Variants in TOM1L2 observed in about 807,000 individuals in gnomAD.
The protein encoded by TOM1L2 is TOM1-like protein 2.
In TOM1L2, 31 loss-of-function variants were observed where a neutral mutation model predicts 67.9. The observed-to-expected ratio is 0.46, with a 90% confidence interval of 0.34 to 0.62. The LOEUF is 0.62. Ranked by LOEUF, TOM1L2 falls within the 20% of genes least tolerant of loss-of-function variation. The probability of loss-of-function intolerance (pLI) is 0.01; values close to 1 mark genes in which losing one functional copy is unlikely to be tolerated. For missense variants in TOM1L2, 606 were observed against 663.5 expected, an observed-to-expected ratio of 0.91 and a Z score of 0.95; for synonymous variants, 256 against 254.0, an observed-to-expected ratio of 1.01 and a Z score of -0.07.
intron 4 of TOM1L2, among the ~76,000 whole-genome samples, chr17:17,891,942 T>C (rs2038307400): frequency 6.6e-6 from 1 of 152,040 alleles, no homozygotes; most frequent in Admixed American, 6.6e-5. Flanking sequence ...CACTCATTCA[T>C]TATAAAGAAA....
At chr17:17,927,884 A>G (rs2040160273) in intron 1 of TOM1L2, among the ~76,000 whole-genome samples, 1 of 152,088 alleles carries the variant, frequency 6.6e-6, no homozygotes, top group Non-Finnish European at 1.5e-5. Context: ...AGGCCTCCCA[A>G]AGTGTTGGGA....
Position 17,936,464 on chromosome 17 carries a change from T to C in TOM1L2, c.53-28933A>G, listed in dbSNP as rs2040518348. 2.0e-5 allele frequency among the ~76,000 whole-genome samples: 3 copies of C among 152,166 alleles called. No homozygotes were observed. The South Asian group carries it at 6.2e-4, about 32-fold the overall frequency. Reference sequence around the variant, plus strand: ...GAAACTTAAAAACAAGCATACCCTTTGACATGGTAATTCTATTTAAAGGAA... The same window carrying C: ...GAAACTTAAAAACAAGCATACCCTTCGACATGGTAATTCTATTTAAAGGAA... On this transcript the variant is annotated intron_variant, in intron 1 of 14. Transcript: ENST00000379504.
intron 1 of TOM1L2, among the ~76,000 whole-genome samples, chr17:17,956,618 A>G (rs551037014): frequency 1.1e-4 from 17 of 152,316 alleles, no homozygotes; most frequent in African/African-American, 4.1e-4. Context: ...GGTGAGCTGC[A>G]GGTCCAGAGT....
intron 1 of TOM1L2, among the ~76,000 whole-genome samples, chr17:17,945,600 C>T (rs1442166622): frequency 1.3e-5 from 2 of 152,156 alleles, no homozygotes; most frequent in Non-Finnish European, 2.9e-5. Flanking sequence ...ACATACCCAT[C>T]TTCTCTCTAT....
chr17:17,892,690 A>AATT (rs1421366267), intron 4 of TOM1L2, among the ~76,000 whole-genome samples: 1 of 151,956 alleles, frequency 6.6e-6, no homozygotes, highest in Non-Finnish European at 1.5e-5. Context: ...CATGTCCACA[A>AATT]ATTATTTGAT....
chr17:17,882,385 T>C (rs2037769448), intron 6 of TOM1L2, among the ~76,000 whole-genome samples: 1 of 152,236 alleles, frequency 6.6e-6, no homozygotes, highest in Non-Finnish European at 1.5e-5. Flanking sequence ...TTAAATGTCA[T>C]TGCTGAGCAT....
In TOM1L2 at chr17:17,850,922, C is replaced by T. The variant is rs775314255; in HGVS notation, c.1309G>A (p.Asp437Asn). 32 of 1,613,924 alleles carry T rather than the reference C, an allele frequency of 2.0e-5. No homozygotes were observed. Among genetic ancestry groups the T allele is most frequent in the Admixed American group, 1.0e-4 (6 of 60,010 alleles). Residue 437 changes from aspartate to asparagine, a missense_variant, in exon 13 of 15, where the codon GAC (aspartate) becomes AAC (asparagine). Physicochemically the swap from Asp to Asn is conservative, Grantham distance 23 (BLOSUM62 1). This residue lies in a region of TOM1L2 where 543 missense variants were observed against 554.0 expected (regional missense o/e 0.98). Coordinates refer to ENST00000379504, the MANE Select transcript of TOM1L2 (RefSeq NM_001082968.2). ...IPVAQPSVMD[D>N]IEVWLRTDLK... ...TCGGTCCTGAGCCACACCTCAATGT[C>T]GTCCATGACAGATGGCTGCGCAACG... is the stretch of plus-strand genomic sequence containing the variant.
intron 1 of TOM1L2, among the ~76,000 whole-genome samples, chr17:17,911,575 G>C (rs944804296): frequency 6.6e-6 from 1 of 152,100 alleles, no homozygotes; most frequent in Non-Finnish European, 1.5e-5. Flanking sequence ...CTGAGTGAGG[G>C]AGCCCACATT....
intron 12 of TOM1L2, chr17:17,859,388 T>C (rs866755897): frequency 5.9e-5 from 9 of 152,256 alleles, no homozygotes; most frequent in African/African-American, 1.9e-4. Context: ...CCCTTTTTTA[T>C]TGTGTTCTTA....
At chr17:17,907,358 A>T (rs1245049204) in intron 2 of TOM1L2, 89 bp downstream of exon 2, 2 of 1,223,604 alleles carry the variant, frequency 1.6e-6, no homozygotes, top group Non-Finnish European at 2.3e-6. Flanking sequence ...CAAAACAAAA[A>T]ATAAAACCTG....
chr17:17,931,146 T>C lies in TOM1L2; in HGVS notation c.53-23615A>G, dbSNP rs576499620. On this transcript the variant is annotated intron_variant, in intron 1 of 14. Coordinates refer to ENST00000379504, the MANE Select transcript of TOM1L2 (RefSeq NM_001082968.2). Reference sequence around the variant, plus strand: ...TCCCATCCCCACAAAGAACTACACATTCAACCAAACCAGACTCCTCTTTCC... The same window carrying C: ...TCCCATCCCCACAAAGAACTACACACTCAACCAAACCAGACTCCTCTTTCC... Among the ~76,000 whole-genome samples the C allele has an allele frequency of 7.2e-5, 11 of 152,280 alleles. No individual in the cohort carries two copies. In the South Asian group the frequency reaches 2.3e-3, roughly 32 times the overall value.
intron 1 of TOM1L2, among the ~76,000 whole-genome samples, chr17:17,956,244 G>A (rs1029027480): frequency 5.9e-5 from 9 of 152,132 alleles, no homozygotes; most frequent in Non-Finnish European, 1.2e-4. Flanking sequence ...TGATTGGTGC[G>A]TTTACAATCC....
intron 1 of TOM1L2, among the ~76,000 whole-genome samples, chr17:17,931,509 G>A (rs925944658): frequency 1.3e-4 from 20 of 152,184 alleles, no homozygotes; most frequent in African/African-American, 4.8e-4. Flanking sequence ...GTCCTCAGGA[G>A]AACTGGGGGA....
At chr17:17,925,136 T>C (rs73301842) in intron 1 of TOM1L2, among the ~76,000 whole-genome samples, 5,974 of 152,282 alleles carry the variant, frequency 0.039, 410 homozygotes, top group African/African-American at 0.13. Context: ...CAGCTGCCAG[T>C]ACTATGCTTC....
intron 2 of TOM1L2, among the ~76,000 whole-genome samples, chr17:17,901,174 T>C (rs1383093917): frequency 2.0e-5 from 3 of 152,054 alleles, no homozygotes; most frequent in Non-Finnish European, 4.4e-5. Flanking sequence ...AGTATTTATC[T>C]CTCTCCCCGG....
chr17:17,900,830 T>C (rs1395399783), intron 2 of TOM1L2, among the ~76,000 whole-genome samples: 3 of 152,254 alleles, frequency 2.0e-5, no homozygotes, highest in Non-Finnish European at 4.4e-5. Context: ...TGAGAGCTGA[T>C]GAAATTCAGT....
intron 1 of TOM1L2, among the ~76,000 whole-genome samples, chr17:17,962,719 G>A (rs2145034999): frequency 6.6e-6 from 1 of 152,214 alleles, no homozygotes; most frequent in South Asian, 2.1e-4. Flanking sequence ...CAGCACTTTG[G>A]GAGGCTGAGG....
At chr17:17,901,232 A>G (rs1263995141) in intron 2 of TOM1L2, among the ~76,000 whole-genome samples, 2 of 152,256 alleles carry the variant, frequency 1.3e-5, no homozygotes, top group African/African-American at 2.4e-5. Flanking sequence ...AAGGAAACAC[A>G]AAGTTTCAAG....
At chr17:17,951,293 T>G (rs1200335998) in intron 1 of TOM1L2, among the ~76,000 whole-genome samples, 4 of 152,170 alleles carry the variant, frequency 2.6e-5, no homozygotes, top group Non-Finnish European at 5.9e-5. Context: ...CTGAGAACGT[T>G]CATAAGATTT....
Sources: allele counts gnomAD v4.1 joint callset (sites outside exome capture counted in the v4.1 genomes callset), GRCh38; gene constraint gnomAD v4.1.1; regional missense constraint gnomAD v4.1.1; transcripts MANE v1.5; gene names NCBI Gene and HGNC (gene_info 2026-07-23, HGNC 2026-07-21).